Variants in PLEKHM3 observed in about 807,000 individuals in gnomAD.
PLEKHM3 encodes pleckstrin homology domain containing M3.
Under a neutral mutation model 81.8 loss-of-function variants are expected in PLEKHM3, and 45 were observed. The ratio of observed to expected loss-of-function variants is 0.55; its 90% CI spans 0.43 to 0.71. The LOEUF (loss-of-function observed/expected upper bound fraction) is 0.71, where lower values mean the gene tolerates loss of function less well. PLEKHM3 is among the 30% of genes least tolerant of loss of function. PLEKHM3 has a pLI of 0.00. For synonymous variants in PLEKHM3, 352 were observed against 356.4 expected, an observed-to-expected ratio of 0.99 and a Z score of 0.14; for missense variants, 788 against 924.3, an observed-to-expected ratio of 0.85 and a Z score of 1.91.
In PLEKHM3 at chr2:207,826,302, A is replaced by T. The variant is rs2092251129; in HGVS notation, c.*2017T>A. On this transcript the variant is annotated 3_prime_UTR_variant, in exon 8 of 8. Coordinates refer to ENST00000427836, the MANE Select transcript of PLEKHM3 (RefSeq NM_001080475.3). Reference sequence around the variant, plus strand: ...AAAATATAAATACTGTATTTTACCAAGAGGAGGAGGAAAGGAGATGATCAA... The same window carrying T: ...AAAATATAAATACTGTATTTTACCATGAGGAGGAGGAAAGGAGATGATCAA... The T allele has an allele frequency of 6.6e-6, 1 of 152,210 alleles. No homozygotes were observed. Among genetic ancestry groups the T allele is most frequent in the African/African-American group, 2.4e-5 (1 of 41,450 alleles). 9.4% of individuals were successfully genotyped at this position (152,210 alleles called of 1,614,324 possible). A position where few individuals can be genotyped will look rare whatever the true frequency, so the allele number is the denominator to read the frequency against.
chr2:207,916,965 A>ATTTT (rs1689013177), intron 5 of PLEKHM3, among the ~76,000 whole-genome samples: 1 of 152,184 alleles, frequency 6.6e-6, no homozygotes, highest in Non-Finnish European at 1.5e-5. Flanking sequence ...AGTCTGTAGC[A>ATTTT]CCCTTTTACA....
chr2:207,938,593 G>C (rs1394413381), intron 4 of PLEKHM3, among the ~76,000 whole-genome samples: 5 of 152,148 alleles, frequency 3.3e-5, no homozygotes, highest in Non-Finnish European at 7.4e-5. Context: ...TCTGAGAAAA[G>C]ACAGCCAGAC....
At chr2:207,833,173 CTG>C (rs1465602915) in intron 7 of PLEKHM3, among the ~76,000 whole-genome samples, 2 of 149,894 alleles carry the variant, frequency 1.3e-5, no homozygotes, top group Non-Finnish European at 3.0e-5. Context: ...AGTTTCTTGA[CTG>C]TATTTAAAAT....
intron 1 of PLEKHM3, among the ~76,000 whole-genome samples, chr2:208,004,356 T>G (rs899664256): frequency 6.6e-6 from 1 of 151,708 alleles, no homozygotes; most frequent in African/African-American, 2.4e-5. Flanking sequence ...AGTCGGAGGT[T>G]GCAGTGAGCT....
Position 207,870,742 on chromosome 2 carries a change from C to T in PLEKHM3, c.1951-9480G>A, listed in dbSNP as rs191025836. On this transcript the variant is annotated intron_variant, in intron 6 of 7. Transcript: ENST00000427836. ...CTGCTCAAGCTTGAAAATCCTAACA[C>T]ACCTCACGAGACTATTCTGAATCCT... 2.9e-3 allele frequency among the ~76,000 whole-genome samples: 448 copies of T among 152,332 alleles called. 2 individuals carry two copies. Among genetic ancestry groups the T allele is most frequent in the African/African-American group, 0.01 (426 of 41,556 alleles).
Position 207,828,391 on chromosome 2 carries a change from C to A in PLEKHM3, c.2214G>T (p.Trp738Cys), listed in dbSNP as rs2092265029. 1 of 1,613,928 alleles carries A rather than the reference C, an allele frequency of 6.2e-7. No individual in the cohort carries two copies. Among genetic ancestry groups the A allele is most frequent in the Admixed American group, 1.7e-5 (1 of 59,978 alleles). Residue 738 changes from tryptophan (W) to cysteine (C), a missense_variant, in exon 8 of 8, where the codon TGG becomes TGT. By Grantham distance (215) the Trp-to-Cys change is radical (BLOSUM62 -2). Transcript: ENST00000427836. ...GACTCTCGTCCATGTTCAGTCTCTG[C>A]CAGAAAGACTTCTGCTTCTTCTGCA... Reference protein sequence around the residue: ...RELQKKQKSFWQRLNMDESLE... With the variant: ...RELQKKQKSFCQRLNMDESLE...
chr2:207,853,198 G>A (rs772599252), intron 7 of PLEKHM3, among the ~76,000 whole-genome samples: 44 of 152,156 alleles, frequency 2.9e-4, no homozygotes, highest in Non-Finnish European at 5.0e-4. Context: ...GCCAAGGCGG[G>A]TGGATCACCA....
At chr2:207,833,258 G>A (rs1028389245) in intron 7 of PLEKHM3, among the ~76,000 whole-genome samples, 1 of 152,076 alleles carries the variant, frequency 6.6e-6, no homozygotes, top group Non-Finnish European at 1.5e-5. Context: ...AATCATCTCT[G>A]CTGAAAATTG....
intron 7 of PLEKHM3, among the ~76,000 whole-genome samples, chr2:207,856,996 G>A (rs1244590798): frequency 6.6e-6 from 1 of 151,634 alleles, no homozygotes; most frequent in Non-Finnish European, 1.5e-5. Flanking sequence ...TGTTCCATGC[G>A]ACCTTGAGAA....
chr2:207,870,992 A>T (rs1458322707), intron 6 of PLEKHM3, among the ~76,000 whole-genome samples: 1 of 152,008 alleles, frequency 6.6e-6, no homozygotes. Flanking sequence ...CCTGTAGTCC[A>T]AGCTACTTAG....
chr2:208,002,780 A>G (rs1692354585), intron 1 of PLEKHM3, among the ~76,000 whole-genome samples: 1 of 152,160 alleles, frequency 6.6e-6, no homozygotes, highest in Non-Finnish European at 1.5e-5. Context: ...GACCTTGACA[A>G]TGATGCTGTC....
chr2:207,901,080 G>A lies in PLEKHM3; in HGVS notation c.1950+7434C>T. Reference sequence around the variant, plus strand: ...CGGTATTGTTGTCTCTACCTGAGGGGCTCGAGTTGGCTCCTGGAATCCTTA... The same window carrying A: ...CGGTATTGTTGTCTCTACCTGAGGGACTCGAGTTGGCTCCTGGAATCCTTA... On this transcript the variant is annotated intron_variant, in intron 6 of 7. Transcript: ENST00000427836. The A allele has an allele frequency of 6.7e-6, 4 of 594,060 alleles. No homozygotes were observed. The South Asian group carries it at 8.2e-5, about 12-fold the overall frequency. The allele number at this position is 594,060 out of a possible 1,614,324, so 36.8% of individuals were successfully genotyped here.
chr2:207,953,078 C>T (rs1690380386), intron 3 of PLEKHM3, among the ~76,000 whole-genome samples: 1 of 152,314 alleles, frequency 6.6e-6, no homozygotes, highest in East Asian at 1.9e-4. Context: ...CAAATAGTAT[C>T]CACAGCATCT....
At chr2:207,924,528 A>G (rs536069379) in intron 5 of PLEKHM3, among the ~76,000 whole-genome samples, 46 of 152,050 alleles carry the variant, frequency 3.0e-4, no homozygotes, top group Admixed American at 5.2e-4. Context: ...TACTAAAAAT[A>G]CAAAAATTAG....
chr2:207,990,405 T>C (rs929713544), intron 2 of PLEKHM3, among the ~76,000 whole-genome samples: 1 of 152,162 alleles, frequency 6.6e-6, no homozygotes, highest in East Asian at 1.9e-4. Context: ...AAATAGCCTT[T>C]CCTCAATGAA....
intron 7 of PLEKHM3, among the ~76,000 whole-genome samples, chr2:207,860,816 G>C (rs2092463505): frequency 6.6e-6 from 1 of 152,120 alleles, no homozygotes. Context: ...TTCCTCCCCA[G>C]TCTTCATTCT....
intron 5 of PLEKHM3, among the ~76,000 whole-genome samples, chr2:207,920,440 C>G (rs973189991): frequency 6.6e-6 from 1 of 152,096 alleles, no homozygotes; most frequent in African/African-American, 2.4e-5. Context: ...ACTGAAGCAT[C>G]CACAGAAATT....
chr2:207,972,486 AT>A (rs762188178), intron 3 of PLEKHM3, among the ~76,000 whole-genome samples: 2 of 151,420 alleles, frequency 1.3e-5, no homozygotes, highest in Admixed American at 6.6e-5. Flanking sequence ...ACAAGGAAGG[AT>A]GAGGCAAGAG....
intron 2 of PLEKHM3, among the ~76,000 whole-genome samples, chr2:207,982,642 G>A (rs1016629772): frequency 1.3e-5 from 2 of 148,404 alleles, no homozygotes; most frequent in Admixed American, 6.8e-5. Flanking sequence ...GTAATGGCAC[G>A]ATCTTGGCTC....
Sources: allele counts gnomAD v4.1 joint callset (sites outside exome capture counted in the v4.1 genomes callset), GRCh38; gene constraint gnomAD v4.1.1; transcripts MANE v1.5; gene names NCBI Gene and HGNC (gene_info 2026-07-23, HGNC 2026-07-21).